The following PKD1L1 variants were observed in gnomAD, a reference collection of about 807,000 sequenced individuals.
The protein encoded by PKD1L1 is polycystin 1 like 1, transient receptor potential channel interacting.
PKD1L1 carries 236 observed loss-of-function variants against 323.4 expected under a neutral mutation model. The observed-to-expected ratio is 0.73, with a 90% CI of 0.66 to 0.81. PKD1L1 has a LOEUF of 0.81. Ranked by LOEUF, PKD1L1 falls within the 40% of genes least tolerant of loss-of-function variation. The pLI, the probability that PKD1L1 is intolerant of heterozygous loss-of-function variation, is 0.00. For missense variants in PKD1L1, 3,320 were observed against 3,508.0 expected, an observed-to-expected ratio of 0.95 and a Z score of 1.35; for synonymous variants, 1,344 against 1,335.0, an observed-to-expected ratio of 1.01 and a Z score of -0.15.
chr7:47,932,869 G>T (rs866112002), intron 4 of PKD1L1, among the ~76,000 whole-genome samples: 1 of 152,174 alleles, frequency 6.6e-6, no homozygotes, highest in African/African-American at 2.4e-5. Context: ...ACTGGCTCTG[G>T]GCTTGCTCTG....
Position 47,800,639 on chromosome 7 carries a change from G to A in PKD1L1, c.8193+10C>T, listed in dbSNP as rs765515570. The A allele has an allele frequency of 2.5e-6, 4 of 1,611,716 alleles. No individual in the cohort carries two copies. In the South Asian group the frequency reaches 4.4e-5, roughly 18 times the overall value. ...ACCATAACTTGAAAGTTGGGGATGT[G>A]TTTACTTACCATTCCAAAACACAGT... On this transcript the variant is annotated intron_variant, in intron 54 of 56. Transcript: ENST00000289672.
chr7:47,852,616 C>G (rs1029073401), intron 31 of PKD1L1, among the ~76,000 whole-genome samples: 2 of 152,148 alleles, frequency 1.3e-5, no homozygotes, highest in African/African-American at 4.8e-5. Flanking sequence ...GTTACTGAGG[C>G]TCAGAATCCT....
intron 54 of PKD1L1, among the ~76,000 whole-genome samples, chr7:47,800,354 G>A (rs938181346): frequency 6.6e-6 from 1 of 152,240 alleles, no homozygotes; most frequent in Non-Finnish European, 1.5e-5. Context: ...GAAGTTCACA[G>A]TAAGAAATGA....
At chr7:47,872,729 T>TC in intron 24 of PKD1L1, among the ~76,000 whole-genome samples, 1 of 152,266 alleles carries the variant, frequency 6.6e-6, no homozygotes, top group African/African-American at 2.4e-5. Context: ...CTCTCATACC[T>TC]CGTTAGTGGG....
intron 2 of PKD1L1, among the ~76,000 whole-genome samples, chr7:47,941,319 G>C (rs942680766): frequency 1.3e-5 from 2 of 152,216 alleles, no homozygotes; most frequent in Non-Finnish European, 2.9e-5. Flanking sequence ...AAGGCCTGCA[G>C]GCCGCCGAGA....
chr7:47,955,796 A>G, the PKD1L1 span, among the ~76,000 whole-genome samples: 198 of 152,330 alleles, frequency 1.3e-3, 2 homozygotes, highest in African/African-American at 4.5e-3. Context: ...AGACTCCAGG[A>G]AAGTGGTATC....
intron 25 of PKD1L1, among the ~76,000 whole-genome samples, chr7:47,865,662 T>C (rs879300740): frequency 3.3e-5 from 5 of 151,408 alleles, no homozygotes; most frequent in Admixed American, 1.3e-4. Context: ...CTCAGCTCAC[T>C]GCAAGCTCTG....
intron 3 of PKD1L1, 104 bp from the exon 4 acceptor site, chr7:47,937,062 G>A: frequency 1.2e-6 from 1 of 859,990 alleles, no homozygotes; most frequent in Non-Finnish European, 1.8e-6. Flanking sequence ...GTGGACCCCT[G>A]CTGTGCGCCC....
chr7:47,859,107 A>C (rs1284114815), intron 26 of PKD1L1, among the ~76,000 whole-genome samples: 5 of 152,240 alleles, frequency 3.3e-5, no homozygotes, highest in African/African-American at 1.2e-4. Flanking sequence ...ATTTAAGTCC[A>C]GGTTTGGTCT....
chr7:47,791,925 A>G (rs1035565005), intron 56 of PKD1L1, among the ~76,000 whole-genome samples: 1 of 152,206 alleles, frequency 6.6e-6, no homozygotes, highest in Non-Finnish European at 1.5e-5. Flanking sequence ...TACCTGGCAC[A>G]TGGTGTGTCT....
chr7:47,831,796 G>T (rs1483654749), intron 41 of PKD1L1, among the ~76,000 whole-genome samples: 1 of 152,206 alleles, frequency 6.6e-6, no homozygotes, highest in Non-Finnish European at 1.5e-5. Context: ...AACATCAGAG[G>T]CAGAGAGGTC....
chr7:47,906,818 T>C (rs114491956), intron 9 of PKD1L1, among the ~76,000 whole-genome samples: 2,352 of 152,216 alleles, frequency 0.015, 57 homozygotes, highest in African/African-American at 0.054. Context: ...AAAATAGATA[T>C]ATGATAAATA....
chr7:47,821,943 C>T (rs1479060447), intron 45 of PKD1L1, among the ~76,000 whole-genome samples: 2 of 152,024 alleles, frequency 1.3e-5, no homozygotes, highest in East Asian at 3.9e-4. Context: ...CCTGCCTTGG[C>T]CTCCCAAAGT....
intron 56 of PKD1L1, among the ~76,000 whole-genome samples, chr7:47,790,241 A>C (rs962162270): frequency 5.3e-4 from 81 of 152,164 alleles, no homozygotes; most frequent in East Asian, 7.7e-4. Flanking sequence ...TTTTCTTAAA[A>C]ATTATGTTTT....
intron 16 of PKD1L1, 88 bp downstream of exon 16, chr7:47,890,454 G>A (rs1786786204): frequency 4.5e-6 from 6 of 1,333,944 alleles, no homozygotes; most frequent in East Asian, 2.3e-5. Context: ...ACTGCTTGCT[G>A]TGCACAGCAG....
intron 56 of PKD1L1, among the ~76,000 whole-genome samples, chr7:47,788,847 T>C (rs2128722827): frequency 6.6e-6 from 1 of 152,168 alleles, no homozygotes; most frequent in East Asian, 1.9e-4. Context: ...TCCGCCCACC[T>C]TGGCCTCCCG....
At chr7:47,813,512 G>C in intron 48 of PKD1L1, 1 of 702,874 alleles carries the variant, frequency 1.4e-6, no homozygotes, top group Non-Finnish European at 2.6e-6. Context: ...TGGCATCTGA[G>C]CTGTGTATGG....
At chr7:47,887,449 C>A (rs1416299862) in intron 17 of PKD1L1, among the ~76,000 whole-genome samples, 1 of 152,186 alleles carries the variant, frequency 6.6e-6, no homozygotes. Flanking sequence ...GACACCAGTG[C>A]CCAGCACGCT....
chr7:47,810,249 C>T lies in PKD1L1; in HGVS notation c.7582-672G>A, dbSNP rs73331716. Among the ~76,000 whole-genome samples the T allele has an allele frequency of 9.0e-3, 1,373 of 152,298 alleles. 22 individuals are homozygous for T. Among genetic ancestry groups the T allele is most frequent in the African/African-American group, 0.031 (1,278 of 41,560 alleles). ...CTACACACATAATCAAAGCAGGGTTCACTTTTGGGTGCTGCAAGGTGTTTA... is the reference window on the plus strand; with the variant it reads ...CTACACACATAATCAAAGCAGGGTTTACTTTTGGGTGCTGCAAGGTGTTTA... On this transcript the variant is annotated intron_variant, in intron 50 of 56. Coordinates refer to ENST00000289672, the MANE Select transcript of PKD1L1 (RefSeq NM_138295.5).
Sources: allele counts gnomAD v4.1 joint callset (sites outside exome capture counted in the v4.1 genomes callset), GRCh38; gene constraint gnomAD v4.1.1; transcripts MANE v1.5; gene names NCBI Gene and HGNC (gene_info 2026-07-23, HGNC 2026-07-21).